Variants in CDH8 observed in about 807,000 individuals in gnomAD.
CDH8 encodes cadherin 8.
A neutral mutation model predicts 68.1 loss-of-function variants in CDH8; 17 were observed. That is an observed-to-expected ratio of 0.25 (90% CI 0.17 to 0.37). CDH8 has a LOEUF of 0.37. Among genes scored for constraint, CDH8 ranks in the 10% least tolerant of loss-of-function variants. CDH8 has a pLI of 1.00. For missense variants in CDH8, 763 were observed against 999.3 expected (o/e 0.76, Z 3.19); for synonymous variants, 372 against 365.1 (o/e 1.02, Z -0.21).
chr16:62,023,805 G>A (rs1308455826), intron 1 of CDH8, among the ~76,000 whole-genome samples: 1 of 152,118 alleles, frequency 6.6e-6, no homozygotes, highest in Non-Finnish European at 1.5e-5. Context: ...AAACTTCTCA[G>A]AGAAAAGGGA....
At chr16:61,669,133 C>A (rs1443557138) in intron 10 of CDH8, among the ~76,000 whole-genome samples, 1 of 152,110 alleles carries the variant, frequency 6.6e-6, no homozygotes, top group African/African-American at 2.4e-5. Context: ...CGTGATCTCC[C>A]TGAAGATTTT....
At chr16:61,748,200 A>G (rs370700894) in intron 8 of CDH8, among the ~76,000 whole-genome samples, 1 of 147,216 alleles carries the variant, frequency 6.8e-6, no homozygotes, top group South Asian at 2.2e-4. Flanking sequence ...TTAATAATCT[A>G]TGTCTGCCAT....
In CDH8 at chr16:61,674,901, C is replaced by T. The variant is rs147956669; in HGVS notation, c.1655-19180G>A. Among the ~76,000 whole-genome samples the T allele has an allele frequency of 3.5e-3, 511 of 144,896 alleles. 7 individuals are homozygous for T. Among genetic ancestry groups the T allele is most frequent in the African/African-American group, 0.013 (492 of 39,108 alleles). ...AAGATCTGTGAATTTGAAGACATTG[C>T]AATAGCAACTATCTGAACATGAACA... On this transcript the variant is annotated intron_variant, in intron 10 of 11. Coordinates refer to ENST00000577390, the MANE Select transcript of CDH8 (RefSeq NM_001796.5).
At chr16:61,787,951 G>C (rs1273181196) in intron 8 of CDH8, among the ~76,000 whole-genome samples, 2 of 109,390 alleles carry the variant, frequency 1.8e-5, no homozygotes, top group Non-Finnish European at 3.7e-5. Context: ...TGGGGGGGGC[G>C]GGGGGAGGGA....
At chr16:61,824,477 C>A (rs1376685430) in intron 5 of CDH8, among the ~76,000 whole-genome samples, 2 of 151,856 alleles carry the variant, frequency 1.3e-5, no homozygotes, top group Admixed American at 6.6e-5. Context: ...CTCCCTGATT[C>A]TTTCATGTTG....
chr16:61,780,472 G>A (rs1961021019), intron 8 of CDH8, among the ~76,000 whole-genome samples: 1 of 152,176 alleles, frequency 6.6e-6, no homozygotes, highest in African/African-American at 2.4e-5. Flanking sequence ...ATAACAGATG[G>A]ACTTTGCTAA....
At chr16:61,655,099 A>G (rs1343704886) in intron 11 of CDH8, among the ~76,000 whole-genome samples, 2 of 152,176 alleles carry the variant, frequency 1.3e-5, no homozygotes, top group Non-Finnish European at 2.9e-5. Flanking sequence ...ATGAAACACT[A>G]TTGTGGACAT....
intron 2 of CDH8, among the ~76,000 whole-genome samples, chr16:61,989,018 A>C (rs959010640): frequency 7.2e-5 from 11 of 152,186 alleles, no homozygotes; most frequent in African/African-American, 2.7e-4. Flanking sequence ...TCCTAAAAAC[A>C]CAGTAGTAAT....
rs145159617 is a variant in CDH8 at position 61,679,469 on chromosome 16, G to A, written c.1655-23748C>T. 3.9e-5 allele frequency among the ~76,000 whole-genome samples: 6 copies of A among 152,092 alleles called. No individual in the cohort carries two copies. In the East Asian group the frequency reaches 1.2e-3, roughly 30 times the overall value. ...CATGCAATTAGCATCTGTCAGACATGTACCAGTTACTGTGCTCTGTAAAAA... is the reference window on the plus strand; with the variant it reads ...CATGCAATTAGCATCTGTCAGACATATACCAGTTACTGTGCTCTGTAAAAA... On this transcript the variant is annotated intron_variant, in intron 10 of 11. Coordinates refer to ENST00000577390, the MANE Select transcript of CDH8 (RefSeq NM_001796.5).
chr16:62,002,922 A>G (rs560590026), intron 2 of CDH8, among the ~76,000 whole-genome samples: 26 of 152,248 alleles, frequency 1.7e-4, no homozygotes, highest in East Asian at 1.2e-3. Context: ...GCGTGGCGGC[A>G]GGCACCTGTA....
At chr16:61,728,175 T>C (rs1959429322) in intron 8 of CDH8, among the ~76,000 whole-genome samples, 1 of 150,966 alleles carries the variant, frequency 6.6e-6, no homozygotes, top group Non-Finnish European at 1.5e-5. Flanking sequence ...GCTTTGAATA[T>C]GAACAAACAG....
chr16:61,794,146 T>A (rs965158956), intron 7 of CDH8, among the ~76,000 whole-genome samples: 20 of 152,150 alleles, frequency 1.3e-4, no homozygotes, highest in African/African-American at 4.6e-4. Context: ...TACAGGCCTA[T>A]GAATAAACTT....
At chr16:61,923,105 A>G (rs1379858519) in intron 2 of CDH8, among the ~76,000 whole-genome samples, 3 of 152,170 alleles carry the variant, frequency 2.0e-5, no homozygotes, top group Non-Finnish European at 4.4e-5. Flanking sequence ...AACAAAATAC[A>G]TTGTGTCATG....
intron 5 of CDH8, among the ~76,000 whole-genome samples, chr16:61,822,108 G>GT (rs1311747999): frequency 4.3e-5 from 6 of 139,030 alleles, no homozygotes; most frequent in African/African-American, 1.3e-4. Flanking sequence ...ATAACTTTGA[G>GT]TTTTTTCTTT....
At chr16:61,935,825 C>A (rs1266465962) in intron 2 of CDH8, among the ~76,000 whole-genome samples, 1 of 152,034 alleles carries the variant, frequency 6.6e-6, no homozygotes, top group African/African-American at 2.4e-5. Context: ...CATTTTTAGC[C>A]TGTTTAGGAG....
chr16:61,846,997 A>G (rs1286633429), intron 4 of CDH8, among the ~76,000 whole-genome samples: 1 of 152,094 alleles, frequency 6.6e-6, no homozygotes, highest in Middle Eastern at 3.2e-3. Flanking sequence ...TTCCCTAATA[A>G]TCAGATGCTG....
At chr16:61,856,954 A>T (rs1963058162) in intron 4 of CDH8, among the ~76,000 whole-genome samples, 165 bp downstream of exon 4, 1 of 152,204 alleles carries the variant, frequency 6.6e-6, no homozygotes, top group Non-Finnish European at 1.5e-5. Context: ...AATCAGCATC[A>T]AAAATGGTTG....
intron 10 of CDH8, among the ~76,000 whole-genome samples, chr16:61,697,931 T>G (rs73573229): frequency 1.6e-3 from 240 of 152,364 alleles, no homozygotes; most frequent in African/African-American, 5.2e-3. Flanking sequence ...TTGAGGCAGC[T>G]GGATCTGGTT....
chr16:61,730,753 T>G (rs964015497), intron 8 of CDH8, among the ~76,000 whole-genome samples: 1 of 151,652 alleles, frequency 6.6e-6, no homozygotes, highest in African/African-American at 2.4e-5. Flanking sequence ...CTGTTTACTC[T>G]GCACTGAAAA....
Sources: allele counts gnomAD v4.1 joint callset (sites outside exome capture counted in the v4.1 genomes callset), GRCh38; gene constraint gnomAD v4.1.1; transcripts MANE v1.5; gene names NCBI Gene and HGNC (gene_info 2026-07-23, HGNC 2026-07-21).